The following TENM3 variants were observed in gnomAD, a reference collection of about 807,000 sequenced individuals.
TENM3 encodes the protein teneurin transmembrane protein 3.
TENM3 carries 63 observed loss-of-function variants against 255.1 expected under a neutral mutation model. The observed-to-expected ratio is 0.25, with a 90% CI of 0.20 to 0.30. TENM3 has a LOEUF of 0.30. Among genes scored for constraint, TENM3 ranks in the 10% least tolerant of loss-of-function variants. TENM3 has a pLI of 1.00. For synonymous variants in TENM3, 1,306 were observed against 1,322.3 expected (o/e 0.99, Z 0.27); for missense variants, 2,929 against 3,461.1 (o/e 0.85, Z 3.86).
chr4:182,236,966 A>C (rs1012619732), intron 1 of TENM3, among the ~76,000 whole-genome samples: 3 of 152,166 alleles, frequency 2.0e-5, no homozygotes, highest in Non-Finnish European at 2.9e-5. Context: ...CCTGGCATAC[A>C]TTAGCTATTT....
chr4:181,882,865 T>C, the TENM3 span, among the ~76,000 whole-genome samples: 2 of 152,164 alleles, frequency 1.3e-5, no homozygotes, highest in Non-Finnish European at 2.9e-5. Flanking sequence ...TAATGACTTA[T>C]AATCATCAGA....
intron 6 of TENM3, among the ~76,000 whole-genome samples, chr4:182,670,249 G>A (rs1755090758): frequency 6.6e-6 from 1 of 152,092 alleles, no homozygotes; most frequent in South Asian, 2.1e-4. Flanking sequence ...AAGAGTTGAT[G>A]TGTGGAAAAA....
rs1293590107 is a variant in TENM3, at chr4:182,368,125, A to G, written c.511+21196A>G. On this transcript the variant is annotated intron_variant, in intron 3 of 27. Transcript: ENST00000511685. ...GTTACTTCCTGCAAATCTCAAAACA[A>G]TCACAACATAAAATAGATTTCCTGT... Among the ~76,000 whole-genome samples the G allele has an allele frequency of 1.3e-5, 2 of 152,150 alleles. 1 individual carries two copies. Among genetic ancestry groups the G allele is most frequent in the South Asian group, 4.1e-4 (2 of 4,820 alleles).
chr4:181,779,263 A>ATTTG, the TENM3 span, among the ~76,000 whole-genome samples: 9 of 78,838 alleles, frequency 1.1e-4, no homozygotes, highest in African/African-American at 5.8e-4. Context: ...ACTTTAAGTT[A>ATTTG]TTTATTTATT....
At chr4:181,449,034 A>G in the TENM3 span, among the ~76,000 whole-genome samples, 1 of 152,226 alleles carries the variant, frequency 6.6e-6, no homozygotes, top group Non-Finnish European at 1.5e-5. Flanking sequence ...GAAATTCTAT[A>G]GAACATCTAA....
Position 182,511,814 on chromosome 4 carries a change from G to C in TENM3, c.512-89110G>C, listed in dbSNP as rs988100048. ...TGACATATGACCTCTGAAGGACTGG[G>C]TAGAAAAAAATTAATATTTATTGAT... On this transcript the variant is annotated intron_variant, in intron 3 of 27. Coordinates refer to ENST00000511685, the MANE Select transcript of TENM3 (RefSeq NM_001080477.4). 5.9e-5 allele frequency among the ~76,000 whole-genome samples: 9 copies of C among 152,228 alleles called. No individual in the cohort carries two copies. The South Asian group carries it at 1.9e-3, about 32-fold the overall frequency.
intron 3 of TENM3, chr4:182,449,114 GGGGCGGGCTGGC>G: frequency 4.1e-6 from 1 of 243,056 alleles, no homozygotes; most frequent in Non-Finnish European, 8.1e-6. Flanking sequence ...GCGGCGGCCT[GGGGCGGGCTGGC>G]GGAGCGCGGC....
intron 3 of TENM3, among the ~76,000 whole-genome samples, chr4:182,447,244 C>T (rs1772999619): frequency 6.7e-6 from 1 of 150,128 alleles, no homozygotes; most frequent in African/African-American, 2.5e-5. Flanking sequence ...TTGTGAGTCA[C>T]GATTTTAGAG....
intron 6 of TENM3, among the ~76,000 whole-genome samples, chr4:182,657,567 AT>A: frequency 6.6e-6 from 1 of 152,146 alleles, no homozygotes; most frequent in Non-Finnish European, 1.5e-5. Flanking sequence ...AGTCTCTCAC[AT>A]CTTGGAAAAC....
chr4:181,455,712 G>C, the TENM3 span, among the ~76,000 whole-genome samples: 2 of 151,908 alleles, frequency 1.3e-5, no homozygotes, highest in East Asian at 3.9e-4. Flanking sequence ...GAGTGTCGAG[G>C]TATTTATTCT....
At chr4:181,845,745 A>G in the TENM3 span, among the ~76,000 whole-genome samples, 1 of 152,198 alleles carries the variant, frequency 6.6e-6, no homozygotes, top group Non-Finnish European at 1.5e-5. Context: ...AAGAGCAAGA[A>G]ATTTAGTTGG....
chr4:182,407,893 C>A (rs1007614558), intron 3 of TENM3, among the ~76,000 whole-genome samples: 10 of 152,272 alleles, frequency 6.6e-5, no homozygotes, highest in African/African-American at 2.2e-4. Context: ...GTTAAAATGG[C>A]AATACCAATG....
intron 1 of TENM3, among the ~76,000 whole-genome samples, chr4:182,277,393 CATCT>C (rs1185444817): frequency 1.3e-5 from 2 of 152,004 alleles, no homozygotes. Flanking sequence ...TCTTCTTTTC[CATCT>C]GTTTCAGAGA....
chr4:182,431,477 G>A (rs1771639784), intron 3 of TENM3, among the ~76,000 whole-genome samples: 1 of 152,090 alleles, frequency 6.6e-6, no homozygotes, highest in African/African-American at 2.4e-5. Context: ...TGGCAACAAA[G>A]CGAGACTCCC....
At chr4:181,772,199 G>A in the TENM3 span, among the ~76,000 whole-genome samples, 1 of 151,990 alleles carries the variant, frequency 6.6e-6, no homozygotes, top group Non-Finnish European at 1.5e-5. Flanking sequence ...CCAACATGGT[G>A]AAACACCGTC....
chr4:182,710,501 T>G (rs1311112233), intron 12 of TENM3, among the ~76,000 whole-genome samples: 1 of 152,206 alleles, frequency 6.6e-6, no homozygotes, highest in African/African-American at 2.4e-5. Flanking sequence ...CATGCTTATT[T>G]TAAAATGCCA....
the TENM3 span, among the ~76,000 whole-genome samples, chr4:182,123,603 T>C: frequency 6.6e-6 from 1 of 152,128 alleles, no homozygotes; most frequent in Non-Finnish European, 1.5e-5. Flanking sequence ...GTGTGCAGTC[T>C]TATATAGGCA....
chr4:181,918,650 T>C, the TENM3 span, among the ~76,000 whole-genome samples: 1 of 152,276 alleles, frequency 6.6e-6, no homozygotes, highest in East Asian at 1.9e-4. Flanking sequence ...GTTTATAGGT[T>C]TTCAATTAAT....
At chr4:182,241,520 T>TTTTTTC (rs1561232198), upstream of TENM3, among the ~76,000 whole-genome samples, 1 of 139,208 alleles carries the variant, frequency 7.2e-6, no homozygotes, top group Admixed American at 7.1e-5. Context: ...TTTTCTTTCT[T>TTTTTTC]TTTTTTTTTT....
Sources: allele counts gnomAD v4.1 joint callset (sites outside exome capture counted in the v4.1 genomes callset), GRCh38; gene constraint gnomAD v4.1.1; transcripts MANE v1.5; gene names NCBI Gene and HGNC (gene_info 2026-07-23, HGNC 2026-07-21).